The following JAKMIP1 variants were observed in gnomAD, a reference collection of about 807,000 sequenced individuals.
The protein encoded by JAKMIP1 is janus kinase and microtubule-interacting protein 1.
JAKMIP1 carries 33 observed loss-of-function variants against 113.0 expected under a neutral mutation model. The ratio of observed to expected loss-of-function variants is 0.29; its 90% CI spans 0.22 to 0.39. The LOEUF (loss-of-function observed/expected upper bound fraction) is 0.39, where lower values mean the gene tolerates loss of function less well. JAKMIP1 is among the 10% of genes least tolerant of loss of function. The pLI is 1.00. For synonymous variants in JAKMIP1, 480 were observed against 459.9 expected (o/e 1.04, Z -0.56); for missense variants, 813 against 1,080.5 (o/e 0.75, Z 3.47).
chr4:6,071,578 C>A (rs1388459388), intron 8 of JAKMIP1, among the ~76,000 whole-genome samples: 3 of 152,228 alleles, frequency 2.0e-5, no homozygotes, highest in Non-Finnish European at 4.4e-5. Context: ...GGTAATGGCA[C>A]CTGTCCCTTC....
At position 6,064,749 on chromosome 4, in the gene JAKMIP1, A is replaced by C. The variant is rs867676975; in HGVS notation, c.1431+131T>G. 3.1e-5 allele frequency: 36 copies of C among 1,154,022 alleles called. No individual in the cohort carries two copies. The highest frequency in any genetic ancestry group is 3.0e-4 in the Middle Eastern group (1 of 3,362). The allele number at this position is 1,154,022 out of a possible 1,614,324, so 71.5% of individuals were successfully genotyped here. Reference sequence around the variant, plus strand: ...TTCACACCATTGGCTTTGATAATGCACTGGTAGGAACTGGTCATCTGGGGT... The same window carrying C: ...TTCACACCATTGGCTTTGATAATGCCCTGGTAGGAACTGGTCATCTGGGGT... On this transcript the variant is annotated intron_variant, in intron 9 of 20. Coordinates refer to ENST00000409021, the MANE Select transcript of JAKMIP1 (RefSeq NM_001099433.2). The surrounding 1 kb of genome is among the most constrained non-coding windows in gnomAD (Gnocchi z 4.3).
chr4:6,169,603 TTGTGTGTGTG>T (rs71173413), intron 1 of JAKMIP1, among the ~76,000 whole-genome samples: 7 of 137,284 alleles, frequency 5.1e-5, no homozygotes, highest in South Asian at 4.6e-4. Context: ...CCCTAGGAAA[TTGTGTGTGTG>T]TGTGTGTGTG....
In JAKMIP1 at chr4:6,035,892, G is replaced by A; in HGVS notation, c.2379+12C>T. On this transcript the variant is annotated intron_variant, in intron 19 of 20. Coordinates refer to ENST00000409021, the MANE Select transcript of JAKMIP1 (RefSeq NM_001099433.2). ...CCGGGGTGCTGTGGGCACAGCCGCT[G>A]TTGCCGCCTACCTGCTGGGCCTGCT... The A allele has an allele frequency of 1.3e-6, 2 of 1,545,168 alleles. No homozygotes were observed. The highest frequency in any genetic ancestry group is 1.7e-6 in the Non-Finnish European group (2 of 1,144,988).
At position 6,084,985 on chromosome 4, in the gene JAKMIP1, A is replaced by AAT; in HGVS notation, c.835-21_835-20insAT. On this transcript the variant is annotated intron_variant, in intron 4 of 20. Transcript: ENST00000409021. ...TTGATCCTAAAAAAAAAAAAAAAAA[A>AAT]AAAAAAAAAGTCAAGACGTAAATGT... The AAT allele has an allele frequency of 6.5e-7, 1 of 1,550,330 alleles. No individual in the cohort carries two copies. Among genetic ancestry groups the AAT allele is most frequent in the Non-Finnish European group, 8.6e-7 (1 of 1,156,828 alleles).
rs974298420 is a variant in JAKMIP1 at position 6,064,715 on chromosome 4, C to T, written c.1431+165G>A. 9.2e-5 allele frequency among the ~76,000 whole-genome samples: 14 copies of T among 152,058 alleles called. No homozygotes were observed. Among genetic ancestry groups the T allele is most frequent in the South Asian group, 2.1e-4 (1 of 4,804 alleles). ...TCATGGAGCCCACAGCTGTGGGGCC[C>T]GCCTTCCCTTCACACCATTGGCTTT... On this transcript the variant is annotated intron_variant, in intron 9 of 20. Transcript: ENST00000409021. The surrounding 1 kb of genome is among the most constrained non-coding windows in gnomAD (Gnocchi z 4.3).
rs1347794559 is a variant in JAKMIP1, at chr4:6,044,920, C to G, written c.2029-2693G>C. Among the ~76,000 whole-genome samples the G allele has an allele frequency of 1.3e-5, 2 of 152,238 alleles. No homozygotes were observed. Among genetic ancestry groups the G allele is most frequent in the Admixed American group, 1.3e-4 (2 of 15,292 alleles). On this transcript the variant is annotated intron_variant, in intron 16 of 20. Transcript: ENST00000409021. The surrounding 1 kb of genome is among the most constrained non-coding windows in gnomAD (Gnocchi z 4.4). ...AGCGTTCATGGTTCTGCTCCAACCC[C>G]AGGAGAGGGGGTCTCAGGCTGGGGA...
intron 8 of JAKMIP1, among the ~76,000 whole-genome samples, chr4:6,073,527 G>A (rs926118687): frequency 1.3e-5 from 2 of 152,214 alleles, no homozygotes; most frequent in African/African-American, 2.4e-5. Flanking sequence ...ATAAATTAGT[G>A]GGGGAGGCAG....
chr4:6,064,772 G>A lies in JAKMIP1; in HGVS notation c.1431+108C>T. The A allele has an allele frequency of 7.1e-7, 1 of 1,414,740 alleles. No individual in the cohort carries two copies. Among genetic ancestry groups the A allele is most frequent in the Admixed American group, 1.9e-5 (1 of 53,510 alleles). The allele number at this position is 1,414,740 out of a possible 1,614,324, so 87.6% of individuals were successfully genotyped here. On this transcript the variant is annotated intron_variant, in intron 9 of 20. Transcript: ENST00000409021. This position sits in a 1 kb window ranked among gnomAD's most constrained non-coding sequence, Gnocchi z 4.3. ...GCACTGGTAGGAACTGGTCATCTGG[G>A]GTTCAGAACTATAGGCAAGGGAGCG...
chr4:6,189,600 C>T (rs1354973456), intron 1 of JAKMIP1, among the ~76,000 whole-genome samples: 7 of 152,174 alleles, frequency 4.6e-5, no homozygotes, highest in Non-Finnish European at 1.0e-4. Flanking sequence ...CTGTGGGAGT[C>T]CCAGTGTGAA....
In JAKMIP1 at chr4:6,143,339, T is replaced by A. The variant is rs1578370626; in HGVS notation, c.-147-30342A>T. Among the ~76,000 whole-genome samples the A allele has an allele frequency of 6.6e-6, 1 of 152,252 alleles. No homozygotes were observed. Among genetic ancestry groups the A allele is most frequent in the Non-Finnish European group, 1.5e-5 (1 of 68,048 alleles). On this transcript the variant is annotated intron_variant, in intron 1 of 20. Transcript: ENST00000409021. The surrounding 1 kb of genome is among the most constrained non-coding windows in gnomAD (Gnocchi z 4.9). ...CTGAATCTCAGCCAATTCTGGGATC[T>A]GGGTGTGGGAAGCCTCCTTTGCCAT...
intron 2 of JAKMIP1, among the ~76,000 whole-genome samples, chr4:6,109,335 G>A (rs1445321943): frequency 4.0e-5 from 6 of 151,862 alleles, no homozygotes; most frequent in South Asian, 4.2e-4. Flanking sequence ...GAGTTTCACT[G>A]TGTTAGCCAG....
rs1384331116 is a variant in JAKMIP1, at chr4:6,176,191, G to T, written c.-148+24062C>A. Among the ~76,000 whole-genome samples, 2 of 152,192 alleles carry T rather than the reference G, an allele frequency of 1.3e-5. No homozygotes were observed. The highest frequency in any genetic ancestry group is 2.9e-5 in the Non-Finnish European group (2 of 68,044). ...ACTTTGAGCACAGTGGGGAGCCACG[G>T]AGAGGGTTACACCTGGGTGGAAAAG... is the stretch of plus-strand genomic sequence containing the variant. On this transcript the variant is annotated intron_variant, in intron 1 of 20. Coordinates refer to ENST00000409021, the MANE Select transcript of JAKMIP1 (RefSeq NM_001099433.2). The surrounding 1 kb of genome is among the most constrained non-coding windows in gnomAD (Gnocchi z 5.5).
chr4:6,061,042 G>T lies in JAKMIP1; in HGVS notation c.1561-535C>A, dbSNP rs1361068430. On this transcript the variant is annotated intron_variant, in intron 10 of 20. Transcript: ENST00000409021. This position sits in a 1 kb window ranked among gnomAD's most constrained non-coding sequence, Gnocchi z 5.3. ...ACTGGGTGTGGGGTAACAGGGAGTG[G>T]TGGGGACTGTGGCAAGCCAGAGGCA... Among the ~76,000 whole-genome samples the T allele has an allele frequency of 6.6e-6, 1 of 152,210 alleles. No homozygotes were observed. The highest frequency in any genetic ancestry group is 6.5e-5 in the Admixed American group (1 of 15,286).
At chr4:6,112,666 A>C in intron 2 of JAKMIP1, 56 bp downstream of exon 2, 1 of 1,587,564 alleles carries the variant, frequency 6.3e-7, no homozygotes, top group Non-Finnish European at 8.6e-7. Context: ...CAGAGGCAAC[A>C]CTGCCCAAAG....
At chr4:6,095,752 G>A (rs532244159) in intron 3 of JAKMIP1, among the ~76,000 whole-genome samples, 1 of 152,154 alleles carries the variant, frequency 6.6e-6, no homozygotes, top group Non-Finnish European at 1.5e-5. Flanking sequence ...TAAAGGGCAG[G>A]AGCGTGCATA....
In JAKMIP1 at chr4:6,158,310, G is replaced by A. The variant is rs1235198753; in HGVS notation, c.-148+41943C>T. Reference sequence around the variant, plus strand: ...TGAAAGCCCAGAACCTAACATCATAGGGATGGTAGTGGGATGGGGTGGTGT... The same window carrying A: ...TGAAAGCCCAGAACCTAACATCATAAGGATGGTAGTGGGATGGGGTGGTGT... On this transcript the variant is annotated intron_variant, in intron 1 of 20. Transcript: ENST00000409021. This position sits in a 1 kb window ranked among gnomAD's most constrained non-coding sequence, Gnocchi z 5.3. Among the ~76,000 whole-genome samples, 1 of 152,172 alleles carries A rather than the reference G, an allele frequency of 6.6e-6. No homozygotes were observed. Among genetic ancestry groups the A allele is most frequent in the Non-Finnish European group, 1.5e-5 (1 of 68,024 alleles).
In JAKMIP1 at chr4:6,043,317, C is replaced by A. The variant is rs1714583441; in HGVS notation, c.2029-1090G>T. ...AAGCCCCCTTTCCCGACCCCAGGCT[C>A]CCCCAGCTTCCTTGTACTCCTTGCT... On this transcript the variant is annotated intron_variant, in intron 16 of 20. Transcript: ENST00000409021. Among the ~76,000 whole-genome samples, 3 of 152,084 alleles carry A rather than the reference C, an allele frequency of 2.0e-5. No homozygotes were observed. The South Asian group carries it at 6.2e-4, about 32-fold the overall frequency.
chr4:6,140,434 G>A lies in JAKMIP1; in HGVS notation c.-147-27437C>T, dbSNP rs1242710227. Among the ~76,000 whole-genome samples, 2 of 152,042 alleles carry A rather than the reference G, an allele frequency of 1.3e-5. No individual in the cohort carries two copies. Among genetic ancestry groups the A allele is most frequent in the Non-Finnish European group, 2.9e-5 (2 of 68,018 alleles). On this transcript the variant is annotated intron_variant, in intron 1 of 20. Coordinates refer to ENST00000409021, the MANE Select transcript of JAKMIP1 (RefSeq NM_001099433.2). The surrounding 1 kb of genome is among the most constrained non-coding windows in gnomAD (Gnocchi z 9.4). ...AAGGCCCACCACAGACCCACCCCAGGAGTGTGTGCTCAGGTCCTGCTTCAT... is the reference window on the plus strand; with the variant it reads ...AAGGCCCACCACAGACCCACCCCAGAAGTGTGTGCTCAGGTCCTGCTTCAT...
chr4:6,182,194 C>A (rs1461780529), intron 1 of JAKMIP1, among the ~76,000 whole-genome samples: 1 of 151,892 alleles, frequency 6.6e-6, no homozygotes, highest in African/African-American at 2.4e-5. Flanking sequence ...AGGTGGATTG[C>A]TTGAGCTCAG....
Sources: gnomAD v4.1 joint callset for allele counts (sites outside exome capture counted in the v4.1 genomes callset) on GRCh38, gnomAD v4.1.1 for gene constraint, Gnocchi (gnomAD v3.1) non-coding constraint, MANE v1.5 for transcripts, NCBI Gene and HGNC (gene_info 2026-07-23, HGNC 2026-07-21) for gene names.